Variants in TRPM2 observed in about 807,000 individuals in gnomAD.
TRPM2 encodes transient receptor potential cation channel subfamily M member 2, also known as estrogen-responsive element-associated gene 1 protein.
A neutral mutation model predicts 174.0 loss-of-function variants in TRPM2; 161 were observed. The ratio of observed to expected loss-of-function variants is 0.93; its 90% confidence interval spans 0.81 to 1.05. The LOEUF (loss-of-function observed/expected upper bound fraction) is 1.05. Ranked by LOEUF, TRPM2 falls within the 50% of genes least tolerant of loss-of-function variation. The pLI, the probability that TRPM2 is intolerant of heterozygous loss-of-function variation, is 0.00. For missense variants in TRPM2, 2,057 were observed against 2,038.0 expected (o/e 1.01, Z -0.18); for synonymous variants, 954 against 861.3 (o/e 1.11, Z -1.88).
At position 44,418,007 on chromosome 21, in the gene TRPM2, GCCGCC is replaced by G. The variant is rs776601753; in HGVS notation, c.3233_3237del (p.Pro1078ArgfsTer75). The G allele has an allele frequency of 3.7e-6, 6 of 1,612,782 alleles. No individual in the cohort carries two copies. The highest frequency in any genetic ancestry group is 4.2e-6 in the Non-Finnish European group (5 of 1,179,988). ...CATGACCTGATCGAGGAGTACCACGGCCGCCCCGCCGCGCCGCCCCCCTTCATCCT... is the reference window on the plus strand; with the variant it reads ...CATGACCTGATCGAGGAGTACCACGGCCGCCGCGCCGCCCCCCTTCATCCT... On this transcript the variant is annotated frameshift_variant, in exon 21 of 32. Coordinates refer to ENST00000397928, the MANE Select transcript of TRPM2 (RefSeq NM_003307.4). LOFTEE classifies it high-confidence loss of function.
chr21:44,418,164 G>A, intron 21 of TRPM2, 56 bp downstream of exon 21: 1 of 1,564,246 alleles, frequency 6.4e-7, no homozygotes, highest in Non-Finnish European at 8.7e-7. Flanking sequence ...TGCAGAGGGG[G>A]TGGAGATGGC....
intron 5 of TRPM2, among the ~76,000 whole-genome samples, chr21:44,373,604 CTG>C (rs2146186056): frequency 8.5e-6 from 1 of 117,888 alleles, no homozygotes; most frequent in East Asian, 2.4e-4. Flanking sequence ...TATATGCGAC[CTG>C]CATTATATGC....
At chr21:44,374,156 A>G (rs1170693009) in intron 5 of TRPM2, among the ~76,000 whole-genome samples, 1 of 151,964 alleles carries the variant, frequency 6.6e-6, no homozygotes, top group Admixed American at 6.6e-5. Context: ...GATTACAGGC[A>G]TGTGCCACCA....
At chr21:44,361,234 C>G (rs759585070) in intron 2 of TRPM2, among the ~76,000 whole-genome samples, 5 of 152,130 alleles carry the variant, frequency 3.3e-5, no homozygotes, top group Non-Finnish European at 5.9e-5. Context: ...CTCCCGGCAA[C>G]TGGGAGTAGC....
In TRPM2 at chr21:44,376,685, C is replaced by T. The variant is rs1047561589; in HGVS notation, c.952+672C>T. Among the ~76,000 whole-genome samples the T allele has an allele frequency of 3.9e-5, 6 of 152,252 alleles. No homozygotes were observed. The highest frequency in any genetic ancestry group is 2.1e-4 in the South Asian group (1 of 4,828). On this transcript the variant is annotated intron_variant, in intron 6 of 31. Coordinates refer to ENST00000397928, the MANE Select transcript of TRPM2 (RefSeq NM_003307.4). The surrounding 1 kb of genome is among the most constrained non-coding windows in gnomAD (Gnocchi z 4.2). ...TTTGAGGACGTCGGGAGGTCAAGTG[C>T]GGGGTTTTGCATATCACTTGAGGAG... is the stretch of plus-strand genomic sequence containing the variant.
chr21:44,387,872 A>G (rs1257168409), intron 9 of TRPM2, among the ~76,000 whole-genome samples: 1 of 152,242 alleles, frequency 6.6e-6, no homozygotes, highest in Non-Finnish European at 1.5e-5. Context: ...GATAGCTACT[A>G]TAGAAAAGAA....
At position 44,366,700 on chromosome 21, in the gene TRPM2, C is replaced by T; in HGVS notation, c.424-54C>T. ...TCTGCATGGCCTGTGTGGGTCGGTG[C>T]TGTCCCTGACCACTGACACACAGGT... On this transcript the variant is annotated intron_variant, in intron 3 of 31. Transcript: ENST00000397928. This position sits in a 1 kb window ranked among gnomAD's most constrained non-coding sequence, Gnocchi z 6.0. 1 of 1,609,860 alleles carries T rather than the reference C, an allele frequency of 6.2e-7. No individual in the cohort carries two copies. The highest frequency in any genetic ancestry group is 2.2e-5 in the East Asian group (1 of 44,850).
chr21:44,397,937 G>T (rs958572857), intron 13 of TRPM2, 61 bp downstream of exon 13: 4 of 1,498,274 alleles, frequency 2.7e-6, no homozygotes, highest in East Asian at 2.4e-5. Context: ...CTCACCTGGA[G>T]TTCCCATCCC....
At chr21:44,406,869 G>T in intron 19 of TRPM2, 104 bp downstream of exon 19, 1 of 1,407,890 alleles carries the variant, frequency 7.1e-7, no homozygotes, top group South Asian at 1.3e-5. Context: ...CCATCAGGGG[G>T]TCCTGCGGTT....
chr21:44,394,312 C>T (rs2049270652), intron 11 of TRPM2, among the ~76,000 whole-genome samples: 2 of 145,404 alleles, frequency 1.4e-5, no homozygotes, highest in Non-Finnish European at 3.0e-5. Context: ...AAGAAAAACA[C>T]ATTTCTTTTT....
upstream of TRPM2, among the ~76,000 whole-genome samples, chr21:44,352,983 T>G (rs2123003755): frequency 6.6e-6 from 1 of 152,056 alleles, no homozygotes; most frequent in South Asian, 2.1e-4. Context: ...GGTGAAACCC[T>G]GTTGCTACTA....
At chr21:44,360,710 G>T (rs1439870164) in intron 2 of TRPM2, among the ~76,000 whole-genome samples, 1 of 151,904 alleles carries the variant, frequency 6.6e-6, no homozygotes, top group Non-Finnish European at 1.5e-5. Context: ...GGGACTACAG[G>T]TGAGCACTAC....
At chr21:44,418,233 T>C in intron 21 of TRPM2, 125 bp downstream of exon 21, 1 of 1,409,704 alleles carries the variant, frequency 7.1e-7, no homozygotes, top group Non-Finnish European at 9.5e-7. Flanking sequence ...CTCAGGCTGC[T>C]GGCCTTCTGC....
intron 9 of TRPM2, among the ~76,000 whole-genome samples, chr21:44,387,352 T>C (rs1201752322): frequency 6.6e-6 from 1 of 152,222 alleles, no homozygotes; most frequent in East Asian, 1.9e-4. Flanking sequence ...GATATCCACA[T>C]GCCAAAGAAT....
intron 19 of TRPM2, among the ~76,000 whole-genome samples, chr21:44,412,820 A>C (rs1044353459): frequency 1.3e-5 from 2 of 151,928 alleles, no homozygotes; most frequent in African/African-American, 4.8e-5. Flanking sequence ...TACGTTAATA[A>C]TTTCAGCTCT....
At chr21:44,392,882 C>T (rs2049227533) in intron 11 of TRPM2, among the ~76,000 whole-genome samples, 1 of 152,040 alleles carries the variant, frequency 6.6e-6, no homozygotes, top group Non-Finnish European at 1.5e-5. Context: ...TGTGAGATGC[C>T]CAGGGTGCAC....
intron 27 of TRPM2, among the ~76,000 whole-genome samples, chr21:44,433,096 C>T (rs556399173): frequency 2.0e-5 from 3 of 152,298 alleles, no homozygotes; most frequent in East Asian, 1.9e-4. Context: ...CTGCCCGGCC[C>T]GCTCAGGCTG....
chr21:44,406,953 C>T (rs1482175347), intron 19 of TRPM2, among the ~76,000 whole-genome samples, 188 bp downstream of exon 19: 1 of 150,084 alleles, frequency 6.7e-6, no homozygotes, highest in Non-Finnish European at 1.5e-5. Flanking sequence ...GGGGCCCCAC[C>T]AGGGGAGGGA....
chr21:44,439,349 G>A lies in TRPM2; in HGVS notation c.4269+181G>A, dbSNP rs2051403117. On this transcript the variant is annotated intron_variant, in intron 30 of 31. Coordinates refer to ENST00000397928, the MANE Select transcript of TRPM2 (RefSeq NM_003307.4). The surrounding 1 kb of genome is among the most constrained non-coding windows in gnomAD (Gnocchi z 5.1). ...TGCACAGCTCCCAGAGGACCCGGAAGCATAGCTGTGTGCAGGGCCCCTCAG... is the reference window on the plus strand; with the variant it reads ...TGCACAGCTCCCAGAGGACCCGGAAACATAGCTGTGTGCAGGGCCCCTCAG... Among the ~76,000 whole-genome samples the A allele has an allele frequency of 6.6e-6, 1 of 152,132 alleles. No homozygotes were observed. The highest frequency in any genetic ancestry group is 6.5e-5 in the Admixed American group (1 of 15,278).
Sources: gnomAD v4.1 joint callset for allele counts (sites outside exome capture counted in the v4.1 genomes callset) on GRCh38, gnomAD v4.1.1 for gene constraint, Gnocchi (gnomAD v3.1) non-coding constraint, MANE v1.5 for transcripts, NCBI Gene and HGNC (gene_info 2026-07-23, HGNC 2026-07-21) for gene names.